The following EGFLAM variants were observed in gnomAD, a reference collection of about 807,000 sequenced individuals.
The protein encoded by EGFLAM is pikachurin.
EGFLAM carries 79 observed loss-of-function variants against 113.1 expected under a neutral mutation model. The ratio of observed to expected loss-of-function variants is 0.70; its 90% CI spans 0.58 to 0.84. EGFLAM has a LOEUF of 0.84. Ranked by LOEUF, EGFLAM falls within the 40% of genes least tolerant of loss-of-function variation. The pLI is 0.00. For missense variants in EGFLAM, 1,265 were observed against 1,291.6 expected, an observed-to-expected ratio of 0.98 and a Z score of 0.32; for synonymous variants, 504 against 487.6, an observed-to-expected ratio of 1.03 and a Z score of -0.44.
chr5:38,407,066 G>T lies in EGFLAM; in HGVS notation c.1067G>T (p.Ser356Ile). The T allele has an allele frequency of 6.2e-7, 1 of 1,614,168 alleles. No homozygotes were observed. The highest frequency in any genetic ancestry group is 8.5e-7 in the Non-Finnish European group (1 of 1,180,036). ...PCDETLCSAD[S>I]FCVNDYTWGG... is the part of the protein sequence containing the mutation. ...GATGAAACTCTCTGCTCTGCTGACAGCTTCTGTGTCAATGACTACACCTGG... is the reference window on the plus strand; with the variant it reads ...GATGAAACTCTCTGCTCTGCTGACATCTTCTGTGTCAATGACTACACCTGG... The change falls in exon 8 of 22, where the codon AGC (serine) becomes ATC (isoleucine). Residue 356 changes from serine (S) to isoleucine (I), a missense_variant. Coordinates refer to ENST00000322350, the MANE Select transcript of EGFLAM (RefSeq NM_152403.4).
chr5:38,337,583 A>G lies in EGFLAM; in HGVS notation c.161A>G (p.Gln54Arg), dbSNP rs756282751. The change falls in exon 2 of 22, where the codon CAG becomes CGG. Residue 54 changes from glutamine to arginine, a missense_variant. By Grantham distance (43) the Gln-to-Arg change is conservative. Coordinates refer to ENST00000322350, the MANE Select transcript of EGFLAM (RefSeq NM_152403.4). ...TTGAACTGTACGGCTTTCAGCATCC[A>G]GTGGAAAATGCCAAGGCATCCTGGA... ...GALNCTAFSIQWKMPRHPGSP... is the reference protein window; with the variant it reads ...GALNCTAFSIRWKMPRHPGSP... The G allele has an allele frequency of 1.2e-6, 2 of 1,607,394 alleles. No homozygotes were observed. The highest frequency in any genetic ancestry group is 2.2e-5 in the South Asian group (2 of 89,650).
intron 6 of EGFLAM, among the ~76,000 whole-genome samples, chr5:38,372,955 A>G (rs373179846): frequency 6.6e-6 from 1 of 152,238 alleles, no homozygotes; most frequent in Non-Finnish European, 1.5e-5. Context: ...TTTCCCATAC[A>G]TAAAATTACC....
chr5:38,327,726 C>A (rs923419684), intron 1 of EGFLAM, among the ~76,000 whole-genome samples: 2 of 152,146 alleles, frequency 1.3e-5, no homozygotes, highest in African/African-American at 4.8e-5. Context: ...CTTACATAAC[C>A]ATGGCACATT....
chr5:38,342,342 C>T (rs904845720), intron 3 of EGFLAM, among the ~76,000 whole-genome samples: 1 of 152,164 alleles, frequency 6.6e-6, no homozygotes, highest in Non-Finnish European at 1.5e-5. Context: ...GGAGGTAGCT[C>T]CCCCTCCTTT....
At chr5:38,385,897 A>T (rs928300145) in intron 6 of EGFLAM, among the ~76,000 whole-genome samples, 8 of 152,200 alleles carry the variant, frequency 5.3e-5, no homozygotes, top group African/African-American at 1.9e-4. Flanking sequence ...ACTTAGACAA[A>T]CCTAGACGGT....
intron 1 of EGFLAM, among the ~76,000 whole-genome samples, chr5:38,309,745 G>C (rs1301581248): frequency 6.6e-6 from 1 of 152,180 alleles, no homozygotes; most frequent in African/African-American, 2.4e-5. Context: ...TTATATTTCA[G>C]CCTAGCACTT....
chr5:38,301,117 G>A (rs1447561760), intron 1 of EGFLAM, among the ~76,000 whole-genome samples: 1 of 152,162 alleles, frequency 6.6e-6, no homozygotes, highest in African/African-American at 2.4e-5. Flanking sequence ...GTTCAGAGGA[G>A]AAACTGTGGT....
At chr5:38,277,859 A>G (rs953953030) in intron 1 of EGFLAM, among the ~76,000 whole-genome samples, 1 of 152,192 alleles carries the variant, frequency 6.6e-6, no homozygotes, top group Non-Finnish European at 1.5e-5. Flanking sequence ...ACACTGAAAA[A>G]CTATAAAATA....
At chr5:38,361,038 G>A (rs917584689) in intron 5 of EGFLAM, among the ~76,000 whole-genome samples, 1 of 113,576 alleles carries the variant, frequency 8.8e-6, no homozygotes, top group East Asian at 2.4e-4. Flanking sequence ...TTTTTTTTTT[G>A]TATTTTTAGT....
At chr5:38,448,250 G>T in intron 17 of EGFLAM, 51 bp from the exon 18 acceptor site, 1 of 1,591,772 alleles carries the variant, frequency 6.3e-7, no homozygotes, top group Non-Finnish European at 8.6e-7. Context: ...GTGAGTGCAG[G>T]GGTCAAGAGA....
chr5:38,461,983 G>C (rs1743292374), intron 20 of EGFLAM, among the ~76,000 whole-genome samples: 1 of 152,010 alleles, frequency 6.6e-6, no homozygotes, highest in African/African-American at 2.4e-5. Context: ...GGCTAACGTG[G>C]TGAAACCCCG....
rs375027390 is a variant in EGFLAM, at chr5:38,413,488, TA to T, written c.1494+851del. Reference sequence around the variant, plus strand: ...GGGGGCCGTAATTGTAGGAAATGGTTAAAAAAAAAAAGTTGGACTGTTGGGC... The same window carrying T: ...GGGGGCCGTAATTGTAGGAAATGGTTAAAAAAAAAAGTTGGACTGTTGGGC... On this transcript the variant is annotated intron_variant, in intron 11 of 21. Coordinates refer to ENST00000322350, the MANE Select transcript of EGFLAM (RefSeq NM_152403.4). Among the ~76,000 whole-genome samples the T allele has an allele frequency of 4.0e-3, 583 of 146,164 alleles. 5 individuals carry two copies. The highest frequency in any genetic ancestry group is 9.2e-3 in the South Asian group (42 of 4,590).
intron 4 of EGFLAM, 99 bp from the exon 5 acceptor site, chr5:38,352,096 TA>T: frequency 6.5e-7 from 1 of 1,547,072 alleles, no homozygotes; most frequent in Non-Finnish European, 8.8e-7. Context: ...TGTATTATAT[TA>T]AACGTCTCCA....
chr5:38,425,365 C>T (rs1277617664), intron 13 of EGFLAM, among the ~76,000 whole-genome samples: 1 of 152,118 alleles, frequency 6.6e-6, no homozygotes, highest in African/African-American at 2.4e-5. Context: ...TGGGATTTCA[C>T]CATGTTGCCC....
intron 1 of EGFLAM, among the ~76,000 whole-genome samples, chr5:38,259,363 C>T (rs1757444682): frequency 6.6e-6 from 1 of 152,192 alleles, no homozygotes; most frequent in Non-Finnish European, 1.5e-5. Flanking sequence ...ACTCTGGGGC[C>T]ATTTGTTCAG....
chr5:38,389,332 G>C (rs1740751704), intron 6 of EGFLAM, among the ~76,000 whole-genome samples: 1 of 152,072 alleles, frequency 6.6e-6, no homozygotes, highest in Non-Finnish European at 1.5e-5. Context: ...TTAAACCACA[G>C]CTCAACGTGA....
rs377253330 is a variant in EGFLAM at position 38,376,276 on chromosome 5, T to C, written c.712+5814T>C. On this transcript the variant is annotated intron_variant, in intron 6 of 21. Transcript: ENST00000322350. Reference sequence around the variant, plus strand: ...GGACATGAATGGTAAATAATAGAAATGGCAGAAGTAAAAAAGTCACTTGCC... The same window carrying C: ...GGACATGAATGGTAAATAATAGAAACGGCAGAAGTAAAAAAGTCACTTGCC... Among the ~76,000 whole-genome samples the C allele has an allele frequency of 9.2e-5, 14 of 152,252 alleles. 1 individual carries two copies. The highest frequency in any genetic ancestry group is 6.5e-4 in the Admixed American group (10 of 15,298).
chr5:38,424,285 A>G (rs1741927921), intron 12 of EGFLAM, among the ~76,000 whole-genome samples: 1 of 152,220 alleles, frequency 6.6e-6, no homozygotes, highest in African/African-American at 2.4e-5. Flanking sequence ...GGTGAAGAGA[A>G]CTCACTCATC....
rs1742909710 is a variant in EGFLAM, at chr5:38,451,429, G to A, written c.2658G>A (p.Leu886=). Residue 886 remains leucine, a synonymous_variant, in exon 19 of 22, where the codon TTG becomes TTA. Coordinates refer to ENST00000322350, the MANE Select transcript of EGFLAM (RefSeq NM_152403.4). ...GACCCAACAGCGACTTCATTTCCTTGGGCCTTCGGGATGGAGCCCTCGTGT... is the reference window on the plus strand; with the variant it reads ...GACCCAACAGCGACTTCATTTCCTTAGGCCTTCGGGATGGAGCCCTCGTGT... ...PMRPNSDFIS[L]GLRDGALVFS... The A allele has an allele frequency of 6.2e-7, 1 of 1,614,084 alleles. No individual in the cohort carries two copies. Among genetic ancestry groups the A allele is most frequent in the African/African-American group, 1.3e-5 (1 of 74,918 alleles).
Sources: allele counts gnomAD v4.1 joint callset (sites outside exome capture counted in the v4.1 genomes callset), GRCh38; gene constraint gnomAD v4.1.1; transcripts MANE v1.5; gene names NCBI Gene and HGNC (gene_info 2026-07-23, HGNC 2026-07-21).